The following WHRN variants were observed in gnomAD, a reference collection of about 807,000 sequenced individuals.
WHRN encodes the protein CASK-interacting protein CIP98.
WHRN carries 41 observed loss-of-function variants against 68.3 expected under a neutral mutation model. The observed-to-expected ratio is 0.60, with a 90% CI of 0.47 to 0.78. The LOEUF is 0.78. WHRN is among the 30% of genes least tolerant of loss of function. WHRN has a pLI of 0.00. For synonymous variants in WHRN, 560 were observed against 561.3 expected (o/e 1.00, Z 0.03); for missense variants, 1,243 against 1,244.7 (o/e 1.00, Z 0.02).
At chr9:114,490,531 A>G (rs1842892706) in intron 1 of WHRN, among the ~76,000 whole-genome samples, 1 of 142,632 alleles carries the variant, frequency 7.0e-6, no homozygotes. Flanking sequence ...TTTTTTTTAA[A>G]AAAGATATAA....
At chr9:114,426,524 A>T (rs1836878063) in intron 3 of WHRN, 111 bp from the exon 4 acceptor site, 6 of 1,280,122 alleles carry the variant, frequency 4.7e-6, no homozygotes, top group Non-Finnish European at 6.7e-6. Context: ...CAAGGAGGTC[A>T]TCCAGGATCA....
At chr9:114,467,169 T>C (rs10982231) in intron 2 of WHRN, among the ~76,000 whole-genome samples, 57,638 of 151,236 alleles carry the variant, frequency 0.38, 12,838 homozygotes, top group East Asian at 0.62. Flanking sequence ...GGGGGTCTAT[T>C]TCTCCTGACG....
intron 2 of WHRN, among the ~76,000 whole-genome samples, chr9:114,471,324 G>A (rs937421885): frequency 5.9e-5 from 9 of 152,154 alleles, no homozygotes; most frequent in African/African-American, 2.2e-4. Context: ...CTCCTCTATG[G>A]TTTTGTTGTT....
At chr9:114,454,188 C>T (rs1225077138) in intron 3 of WHRN, among the ~76,000 whole-genome samples, 1 of 152,226 alleles carries the variant, frequency 6.6e-6, no homozygotes, top group Middle Eastern at 3.4e-3. Flanking sequence ...TTAATGCTTT[C>T]CTTTAAGATA....
Position 114,403,964 on chromosome 9 carries a change from A to G in WHRN, c.2350T>C (p.Ser784Pro), listed in dbSNP as rs1359266572. 1 of 1,600,532 alleles carries G rather than the reference A, an allele frequency of 6.2e-7. No homozygotes were observed. Among genetic ancestry groups the G allele is most frequent in the Non-Finnish European group, 8.5e-7 (1 of 1,174,108 alleles). ...SAPGRGRQSVSTKSRSSKELP... is the reference protein window; with the variant it reads ...SAPGRGRQSVPTKSRSSKELP... ...TCCTTGCTACTCCTGCTCTTGGTGGACACCGACTGCCTTCCTCGGCCTGGG... is the reference window on the plus strand; with the variant it reads ...TCCTTGCTACTCCTGCTCTTGGTGGGCACCGACTGCCTTCCTCGGCCTGGG... The change falls in exon 10 of 12, where the codon TCC becomes CCC. Residue 784 changes from serine (S) to proline (P), a missense_variant. Transcript: ENST00000362057.
At chr9:114,486,976 TATATATATA>T (rs1237821798) in intron 1 of WHRN, among the ~76,000 whole-genome samples, 195 of 2,298 alleles carry the variant, frequency 0.085, 1 homozygote, top group African/African-American at 0.1. Context: ...TATATATATA[TATATATATA>T]TATATATATA....
At chr9:114,474,894 T>C (rs1156539650) in intron 2 of WHRN, among the ~76,000 whole-genome samples, 1 of 152,118 alleles carries the variant, frequency 6.6e-6, no homozygotes, top group East Asian at 1.9e-4. Context: ...AGCACTGTCA[T>C]CATGTTGCTA....
At chr9:114,500,375 C>A (rs1015437218) in intron 1 of WHRN, among the ~76,000 whole-genome samples, 26 of 152,172 alleles carry the variant, frequency 1.7e-4, no homozygotes, top group African/African-American at 6.0e-4. Context: ...TTCAGCTAAC[C>A]ATGCACAATG....
At chr9:114,480,992 T>C (rs537791452) in intron 1 of WHRN, among the ~76,000 whole-genome samples, 2 of 152,270 alleles carry the variant, frequency 1.3e-5, no homozygotes, top group East Asian at 3.9e-4. Flanking sequence ...TGTTCCACAA[T>C]GAGGTCACAT....
At chr9:114,420,453 T>G (rs986516869) in intron 7 of WHRN, among the ~76,000 whole-genome samples, 4 of 152,036 alleles carry the variant, frequency 2.6e-5, no homozygotes, top group African/African-American at 9.7e-5. Context: ...AGAAGGGAAG[T>G]GAATTGTCTG....
At chr9:114,502,435 A>G (rs1844008971) in intron 1 of WHRN, among the ~76,000 whole-genome samples, 1 of 151,860 alleles carries the variant, frequency 6.6e-6, no homozygotes, top group South Asian at 2.1e-4. Context: ...AACAAGCTAA[A>G]GGCTGGTGCT....
At chr9:114,470,401 C>T (rs567173157) in intron 2 of WHRN, among the ~76,000 whole-genome samples, 2 of 152,076 alleles carry the variant, frequency 1.3e-5, no homozygotes, top group African/African-American at 2.4e-5. Context: ...ATGGCCAGAG[C>T]GTGGCAGGAG....
chr9:114,476,223 C>T (rs1298730282), intron 2 of WHRN, among the ~76,000 whole-genome samples: 4 of 152,098 alleles, frequency 2.6e-5, no homozygotes, highest in African/African-American at 9.7e-5. Context: ...CTGCCTCAGC[C>T]TCCCAAAGAG....
intron 3 of WHRN, among the ~76,000 whole-genome samples, chr9:114,428,173 C>T (rs1415586225): frequency 2.0e-5 from 3 of 152,062 alleles, no homozygotes; most frequent in Non-Finnish European, 4.4e-5. Flanking sequence ...ACTAAAAGTA[C>T]AAAAATTAGC....
intron 1 of WHRN, among the ~76,000 whole-genome samples, chr9:114,500,861 C>T (rs1843861991): frequency 6.6e-6 from 1 of 152,216 alleles, no homozygotes; most frequent in Admixed American, 6.5e-5. Context: ...GTGTATAACC[C>T]ATCAATTTCC....
rs897476900 is a variant in WHRN at position 114,491,874 on chromosome 9, C to T, written c.618+12310G>A. The T allele has an allele frequency of 7.6e-5, 20 of 263,340 alleles. 1 individual carries two copies. Among genetic ancestry groups the T allele is most frequent in the Middle Eastern group, 8.3e-4 (2 of 2,422 alleles). 16.3% of individuals were successfully genotyped at this position (263,340 alleles called of 1,614,324 possible). ...GCTTCCCTTTGCCCTGAGTCTGCAGCGGGTCCCTTTTGTGCTTCCTTCCCC... is the reference window on the plus strand; with the variant it reads ...GCTTCCCTTTGCCCTGAGTCTGCAGTGGGTCCCTTTTGTGCTTCCTTCCCC... On this transcript the variant is annotated intron_variant, in intron 1 of 11. Coordinates refer to ENST00000362057, the MANE Select transcript of WHRN (RefSeq NM_015404.4).
intron 1 of WHRN, among the ~76,000 whole-genome samples, chr9:114,488,029 T>A (rs926925077): frequency 1.3e-5 from 2 of 152,210 alleles, no homozygotes; most frequent in Non-Finnish European, 2.9e-5. Context: ...ATGAAAACGG[T>A]AACCTGGTGG....
rs771183317 is a variant in WHRN at position 114,402,711 on chromosome 9, A to G, written c.*43T>C. ...AAGCCAACGGTGGAAAGGGACTGGG[A>G]CCAGGGGCTGGGCAGTGGTGGGAGG... On this transcript the variant is annotated 3_prime_UTR_variant, in exon 12 of 12. Coordinates refer to ENST00000362057, the MANE Select transcript of WHRN (RefSeq NM_015404.4). 2.5e-6 allele frequency: 4 copies of G among 1,611,674 alleles called. No individual in the cohort carries two copies. The highest frequency in any genetic ancestry group is 3.4e-6 in the Non-Finnish European group (4 of 1,178,826).
chr9:114,404,734 GCCT>G (rs1230932010), intron 9 of WHRN, among the ~76,000 whole-genome samples: 1 of 152,238 alleles, frequency 6.6e-6, no homozygotes, highest in Non-Finnish European at 1.5e-5. Context: ...GCCTCTCTAA[GCCT>G]CCTATGTTCT....
Sources: allele counts gnomAD v4.1 joint callset (sites outside exome capture counted in the v4.1 genomes callset), GRCh38; gene constraint gnomAD v4.1.1; transcripts MANE v1.5; gene names NCBI Gene and HGNC (gene_info 2026-07-23, HGNC 2026-07-21).